Variants in MTMR1 observed in about 807,000 individuals in gnomAD.
The protein encoded by MTMR1 is myotubularin related protein 1.
MTMR1 carries 17 observed loss-of-function variants against 51.6 expected under a neutral mutation model. The observed-to-expected ratio is 0.33, with a 90% CI of 0.23 to 0.49. The LOEUF is 0.49. Ranked by LOEUF, MTMR1 falls within the 20% of genes least tolerant of loss-of-function variation. The pLI, the probability that MTMR1 is intolerant of heterozygous loss-of-function variation, is 0.99. For synonymous variants in MTMR1, 201 were observed against 205.6 expected (o/e 0.98, Z 0.19); for missense variants, 386 against 526.9 (o/e 0.73, Z 2.62).
At chrX:150,743,035 A>T (rs1884719206) in intron 12 of MTMR1, among the ~76,000 whole-genome samples, 1 of 110,839 alleles carries the variant, frequency 9.0e-6, no homozygotes, top group Non-Finnish European at 1.9e-5. Flanking sequence ...GGAAAGATTA[A>T]CAAGTTCTAG....
chrX:150,708,927 CT>C (rs2041213357), intron 2 of MTMR1, among the ~76,000 whole-genome samples: 1 of 111,504 alleles, frequency 9.0e-6, no homozygotes, highest in South Asian at 3.8e-4. Context: ...GGATTTCACT[CT>C]GGAGTGTGTT....
chrX:150,726,186 C>A (rs1224400031), intron 4 of MTMR1, among the ~76,000 whole-genome samples: 2 of 111,203 alleles, frequency 1.8e-5, no homozygotes, highest in Admixed American at 9.5e-5. Context: ...GGAGCGTGAA[C>A]CCTGTTGTGA....
chrX:150,725,993 A>G (rs183980025), intron 4 of MTMR1, among the ~76,000 whole-genome samples: 11 of 111,236 alleles, frequency 9.9e-5, no homozygotes, highest in African/African-American at 3.3e-4. Flanking sequence ...TTGTGTCCAC[A>G]TTGTTATTTT....
chrX:150,740,865 T>C (rs141426405), intron 12 of MTMR1, among the ~76,000 whole-genome samples: 1 of 108,576 alleles, frequency 9.2e-6, no homozygotes, highest in African/African-American at 3.4e-5. Context: ...GGGGAGAGGG[T>C]GCCAGGCCCT....
At position 150,718,615 on chromosome X, in the gene MTMR1, T is replaced by TGCAGGG; in HGVS notation, c.277-10_277-9insGCAGGG. ...TTTTTTTTTTTTTTTTTTTTTTTTT[T>TGCAGGG]TTTTGCCAGGCTCTAAGGGATGGAA... On this transcript the variant is annotated splice_polypyrimidine_tract_variant and intron_variant, in intron 3 of 15. Coordinates refer to ENST00000445323, the MANE Select transcript of MTMR1 (RefSeq NM_001306144.3). The TGCAGGG allele has an allele frequency of 1.4e-6, 1 of 709,462 alleles. No individual in the cohort carries two copies. The highest frequency in any genetic ancestry group is 1.9e-6 in the Non-Finnish European group (1 of 526,670). The allele number at this position is 709,462 out of a possible 1,213,427, so 58.5% of individuals were successfully genotyped here. A position where few individuals can be genotyped will look rare whatever the true frequency, so the allele number is the denominator to read the frequency against.
intron 14 of MTMR1, among the ~76,000 whole-genome samples, chrX:150,753,986 G>A (rs138856780): frequency 0.017 from 1,890 of 112,545 alleles, 21 homozygotes; most frequent in Non-Finnish European, 0.027. Flanking sequence ...CTGTTCTGAG[G>A]TAACGTTTGT....
At chrX:150,732,175 C>T (rs1372471895) in intron 9 of MTMR1, among the ~76,000 whole-genome samples, 4 of 111,660 alleles carry the variant, frequency 3.6e-5, no homozygotes, top group Non-Finnish European at 7.5e-5. Flanking sequence ...CTTACCCTGC[C>T]ACGTATATTA....
chrX:150,734,168 C>G (rs926272169), intron 10 of MTMR1, among the ~76,000 whole-genome samples: 2 of 112,562 alleles, frequency 1.8e-5, no homozygotes, highest in African/African-American at 6.4e-5. Flanking sequence ...ATGACCCTCT[C>G]TTGCTCTGGG....
At position 150,758,007 on chromosome X, in the gene MTMR1, A is replaced by C. The variant is rs915951817; in HGVS notation, c.1857+2142A>C. Among the ~76,000 whole-genome samples, 32 of 111,071 alleles carry C rather than the reference A, an allele frequency of 2.9e-4. 1 individual carries two copies. Among genetic ancestry groups the C allele is most frequent in the Admixed American group, 2.0e-3 (21 of 10,457 alleles). The stretch of plus-strand genomic sequence containing the variant: ...TACACACCACAGGCTTTGAAACCAC[A>C]GGGCCCTCAGGATCTAGCATGGTGT... On this transcript the variant is annotated intron_variant, in intron 15 of 15. Transcript: ENST00000445323.
chrX:150,698,062 G>A (rs2148543772), intron 1 of MTMR1, among the ~76,000 whole-genome samples: 1 of 111,767 alleles, frequency 8.9e-6, no homozygotes, highest in East Asian at 2.8e-4. Flanking sequence ...AGGCCAAGGC[G>A]GGTGGATCAC....
chrX:150,718,620 G>A lies in MTMR1; in HGVS notation c.277-5G>A. ...TTTTTTTTTTTTTTTTTTTTTTTTT[G>A]CCAGGCTCTAAGGGATGGAAATAAG... On this transcript the variant is annotated splice_polypyrimidine_tract_variant and splice_region_variant and intron_variant, in intron 3 of 15. Coordinates refer to ENST00000445323, the MANE Select transcript of MTMR1 (RefSeq NM_001306144.3). 7.0e-6 allele frequency: 2 copies of A among 287,272 alleles called. No homozygotes were observed. The highest frequency in any genetic ancestry group is 1.1e-5 in the Non-Finnish European group (2 of 190,052). The allele number at this position is 287,272 out of a possible 1,213,427, so 23.7% of individuals were successfully genotyped here.
intron 3 of MTMR1, among the ~76,000 whole-genome samples, chrX:150,715,536 C>T (rs1557416368): frequency 4.4e-5 from 5 of 112,394 alleles, no homozygotes; most frequent in African/African-American, 9.7e-5. Flanking sequence ...CAAATCATGT[C>T]CTGTGCAACC....
At chrX:150,701,250 G>A (rs782395055) in intron 2 of MTMR1, among the ~76,000 whole-genome samples, 178 of 110,920 alleles carry the variant, frequency 1.6e-3, no homozygotes, top group African/African-American at 5.5e-3. Context: ...TAAACCACAA[G>A]GATAATTGTA....
chrX:150,699,386 C>G (rs1346204355), intron 2 of MTMR1, 86 bp downstream of exon 2: 1 of 580,988 alleles, frequency 1.7e-6, no homozygotes, highest in Non-Finnish European at 2.7e-6. Context: ...AGCTGTTGGC[C>G]TTTTGATGCA....
At chrX:150,702,156 G>A (rs908247608) in intron 2 of MTMR1, among the ~76,000 whole-genome samples, 1 of 103,541 alleles carries the variant, frequency 9.7e-6, no homozygotes, top group East Asian at 3.0e-4. Context: ...TCCTGGGCTC[G>A]AGCGATCCTC....
At chrX:150,700,986 G>C (rs1446358363) in intron 2 of MTMR1, among the ~76,000 whole-genome samples, 19 of 112,343 alleles carry the variant, frequency 1.7e-4, no homozygotes, top group Non-Finnish European at 3.8e-5. Flanking sequence ...GCTCATGTTG[G>C]AATGGTTGAA....
intron 14 of MTMR1, among the ~76,000 whole-genome samples, chrX:150,753,991 G>A (rs1324158881): frequency 2.7e-5 from 3 of 112,612 alleles, no homozygotes; most frequent in East Asian, 2.8e-4. Context: ...CTGAGGTAAC[G>A]TTTGTATACG....
At chrX:150,746,410 G>A (rs190109809) in intron 13 of MTMR1, among the ~76,000 whole-genome samples, 1 of 112,104 alleles carries the variant, frequency 8.9e-6, no homozygotes, top group East Asian at 2.8e-4. Flanking sequence ...CATGAAGACT[G>A]GCCTGAAGCC....
chrX:150,728,079 T>C (rs185636368), intron 6 of MTMR1, among the ~76,000 whole-genome samples: 1 of 112,127 alleles, frequency 8.9e-6, no homozygotes, highest in Non-Finnish European at 1.9e-5. Flanking sequence ...AAGTCCTTTA[T>C]GTCAAATGAT....
Sources: gnomAD v4.1 joint callset for allele counts (sites outside exome capture counted in the v4.1 genomes callset) on GRCh38, gnomAD v4.1.1 for gene constraint, MANE v1.5 for transcripts, NCBI Gene and HGNC (gene_info 2026-07-23, HGNC 2026-07-21) for gene names.